The following INTS1 variants were observed in gnomAD, a reference collection of about 807,000 sequenced individuals.
INTS1 encodes the protein integrator complex subunit 1.
A neutral mutation model predicts 241.6 loss-of-function variants in INTS1; 137 were observed. That is an observed-to-expected ratio of 0.57 (90% CI 0.49 to 0.65). The LOEUF is 0.65. Ranked by LOEUF, INTS1 falls within the 30% of genes least tolerant of loss-of-function variation. The pLI is 0.00. For missense variants in INTS1, 3,073 were observed against 3,032.2 expected (o/e 1.01, Z -0.32); for synonymous variants, 1,692 against 1,337.8 (o/e 1.26, Z -5.78).
At chr7:1,489,920 G>T (rs1782464406) in intron 16 of INTS1, among the ~76,000 whole-genome samples, 2 of 152,150 alleles carry the variant, frequency 1.3e-5, no homozygotes, top group Admixed American at 1.3e-4. Context: ...CTACAAAACG[G>T]GAGCGGTGGT....
At position 1,493,863 on chromosome 7, in the gene INTS1, C is replaced by T; in HGVS notation, c.1959G>A (p.Leu653=). ...ACAGCCCGATGACCAGGATGCGCAT[C>T]AGCGTGTCCTCCAAAATGGGCACCT... ...CSEVPILEDT[L]MRILVIGLSR... The change falls in exon 15 of 48, where the codon CTG becomes CTA. Residue 653 remains leucine, a synonymous_variant. Transcript: ENST00000404767. This position sits in a 1 kb window ranked among gnomAD's most constrained non-coding sequence, Gnocchi z 5.3. 1 of 1,566,910 alleles carries T rather than the reference C, an allele frequency of 6.4e-7. No individual in the cohort carries two copies. The highest frequency in any genetic ancestry group is 8.6e-7 in the Non-Finnish European group (1 of 1,156,620).
At position 1,477,873 on chromosome 7, in the gene INTS1, GAGA is replaced by G; in HGVS notation, c.4691_4693del (p.Phe1564del). ...CGGGGAGGCAGCATCCGCAGTGGCA[GAGA>G]AGAATGCAGTCAGCAGCTCCTCCAG... On this transcript the variant is annotated inframe_deletion, in exon 34 of 48. Coordinates refer to ENST00000404767, the MANE Select transcript of INTS1 (RefSeq NM_001080453.3). 2 of 1,612,654 alleles carry G rather than the reference GAGA, an allele frequency of 1.2e-6. No homozygotes were observed. The highest frequency in any genetic ancestry group is 2.2e-5 in the South Asian group (2 of 91,092).
At chr7:1,472,699 G>A (rs1045098453) in intron 43 of INTS1, among the ~76,000 whole-genome samples, 1 of 152,306 alleles carries the variant, frequency 6.6e-6, no homozygotes, top group Admixed American at 6.5e-5. Context: ...GACGTGCTGC[G>A]GTGCCGTGTC....
intron 46 of INTS1, 28 bp downstream of exon 46, chr7:1,471,105 G>A: frequency 6.5e-7 from 1 of 1,546,002 alleles, no homozygotes; most frequent in Non-Finnish European, 8.7e-7. Flanking sequence ...AGCGGTGGCG[G>A]CGGGACAGAG....
At position 1,475,295 on chromosome 7, in the gene INTS1, G is replaced by C. The variant is rs553144219; in HGVS notation, c.5503-457C>G. On this transcript the variant is annotated intron_variant, in intron 39 of 47. Transcript: ENST00000404767. ...AGCTACTCGGGAGGCTGAGGTGGGA[G>C]GCTCACTTGAGCACAGGGGGTTGAG... Among the ~76,000 whole-genome samples, 169 of 152,248 alleles carry C rather than the reference G, an allele frequency of 1.1e-3. 2 individuals carry two copies. Among genetic ancestry groups the C allele is most frequent in the African/African-American group, 3.9e-3 (162 of 41,542 alleles).
chr7:1,482,434 G>A, intron 27 of INTS1, 112 bp downstream of exon 27: 1 of 1,068,672 alleles, frequency 9.4e-7, no homozygotes. Context: ...AGGCTACCCG[G>A]CCAGTCTTCT....
Position 1,498,735 on chromosome 7 carries a change from G to C in INTS1, c.1255C>G (p.Leu419Val), listed in dbSNP as rs1156484909. 2 of 1,560,682 alleles carry C rather than the reference G, an allele frequency of 1.3e-6. No individual in the cohort carries two copies. Among genetic ancestry groups the C allele is most frequent in the Non-Finnish European group, 1.7e-6 (2 of 1,152,400 alleles). Residue 419 changes from leucine (L) to valine (V), a missense_variant, in exon 9 of 48, where the codon CTC becomes GTC. Transcript: ENST00000404767. Reference sequence around the variant, plus strand: ...ATGCACAGCATGAAGTGGTTGAGGAGGACCTTGGGCTTGAGGCGGATCTTG... The same window carrying C: ...ATGCACAGCATGAAGTGGTTGAGGACGACCTTGGGCTTGAGGCGGATCTTG... Reference protein sequence around the residue: ...LIKIRLKPKVLLNHFMLCIRE... With the variant: ...LIKIRLKPKVVLNHFMLCIRE...
rs200632106 is a variant in INTS1, at chr7:1,497,216, G to A, written c.1524C>T (p.His508=). 1,630 of 1,613,042 alleles carry A rather than the reference G, an allele frequency of 1.0e-3. 7 individuals are homozygous for A. The Middle Eastern group carries it at 0.012, about 12-fold the overall frequency. ...GGCAGAAGGCCTGGAAGTTGATCTC[G>A]TGCTTGGTCTGCTTGATGATCTCCC... ...LLREIIKQTK[H]EINFQAFCLG... is the part of the protein sequence containing the mutation. Residue 508 remains histidine, a synonymous_variant, in exon 11 of 48, where the codon CAC becomes CAT. Transcript: ENST00000404767. This position sits in a 1 kb window ranked among gnomAD's most constrained non-coding sequence, Gnocchi z 5.3.
At chr7:1,483,673 G>A (rs371564134) in intron 26 of INTS1, 69 bp downstream of exon 26, 200 of 1,212,474 alleles carry the variant, frequency 1.6e-4, no homozygotes, top group South Asian at 7.7e-4. Context: ...TGCGGAAGCC[G>A]CTGGGTGTGG....
At chr7:1,490,244 C>T (rs1192382103) in intron 16 of INTS1, among the ~76,000 whole-genome samples, 1 of 152,208 alleles carries the variant, frequency 6.6e-6, no homozygotes, top group Non-Finnish European at 1.5e-5. Context: ...AAGTGCAGTG[C>T]GGGATTCCGA....
intron 3 of INTS1, chr7:1,501,083 G>A (rs539334021): frequency 1.3e-5 from 2 of 152,024 alleles, no homozygotes; most frequent in Non-Finnish European, 2.9e-5. Context: ...TCAGGAAATC[G>A]AGACCAGCCT....
At chr7:1,489,138 A>G (rs1782424028) in intron 18 of INTS1, among the ~76,000 whole-genome samples, 1 of 152,152 alleles carries the variant, frequency 6.6e-6, no homozygotes, top group East Asian at 1.9e-4. Flanking sequence ...TGCCGCCTCA[A>G]TCCACACCCC....
At chr7:1,480,259 A>G in intron 30 of INTS1, 58 bp downstream of exon 30, 1 of 1,545,776 alleles carries the variant, frequency 6.5e-7, no homozygotes, top group African/African-American at 1.4e-5. Context: ...GCGGCAGCGA[A>G]GGCTGCACGC....
chr7:1,480,242 G>A (rs1356350735), intron 30 of INTS1, 75 bp downstream of exon 30: 31 of 1,494,448 alleles, frequency 2.1e-5, no homozygotes, highest in African/African-American at 6.9e-5. Flanking sequence ...GCCGCTGTGC[G>A]TGCGAGGCGG....
rs2128532901 is a variant in INTS1 at position 1,474,769 on chromosome 7, G to A, written c.5572C>T (p.Arg1858Ter). The change falls in exon 40 of 48, where the codon CGA becomes TGA. Residue 1858 changes from arginine (R) to a stop codon, truncating the protein, a stop_gained. Coordinates refer to ENST00000404767, the MANE Select transcript of INTS1 (RefSeq NM_001080453.3). LOFTEE classifies it high-confidence loss of function. ...DTSDSRALEN[R>*]GADASMACRK... Reference sequence around the variant, plus strand: ...CAGGCCATGCTGGCATCCGCCCCTCGGTTCTCCAACGCCCGGGAGTCGCTG... The same window carrying A: ...CAGGCCATGCTGGCATCCGCCCCTCAGTTCTCCAACGCCCGGGAGTCGCTG... 3 of 1,574,736 alleles carry A rather than the reference G, an allele frequency of 1.9e-6. No homozygotes were observed. Among genetic ancestry groups the A allele is most frequent in the Non-Finnish European group, 2.6e-6 (3 of 1,162,520 alleles).
At chr7:1,476,111 C>T (rs1174459281) in intron 38 of INTS1, 40 bp from the exon 39 acceptor site, 1 of 1,529,248 alleles carries the variant, frequency 6.5e-7, no homozygotes, top group Non-Finnish European at 8.8e-7. Flanking sequence ...CGGACGGGGC[C>T]CCAGTGACAG....
In INTS1 at chr7:1,471,551, C is replaced by T. The variant is rs745754803; in HGVS notation, c.6255+20G>A. The T allele has an allele frequency of 1.5e-5, 24 of 1,611,470 alleles. No homozygotes were observed. In the South Asian group the frequency reaches 2.3e-4, roughly 15 times the overall value. On this transcript the variant is annotated intron_variant, in intron 45 of 47. Coordinates refer to ENST00000404767, the MANE Select transcript of INTS1 (RefSeq NM_001080453.3). ...AGGGAGTGGCTCCTCCCAGCTCTCC[C>T]TCAGCCCCATCCAGCTCACCGAGAA...
At position 1,478,361 on chromosome 7, in the gene INTS1, G is replaced by C; in HGVS notation, c.4630+5C>G. 1.2e-6 allele frequency: 2 copies of C among 1,611,778 alleles called. No individual in the cohort carries two copies. The highest frequency in any genetic ancestry group is 1.7e-6 in the Non-Finnish European group (2 of 1,179,076). ...TGGCCCAAGAGGATGGTGCCAGGAA[G>C]GTACCTTTGCTGATCAGGTCCGGCT... is the stretch of plus-strand genomic sequence containing the variant. On this transcript the variant is annotated splice_donor_5th_base_variant and intron_variant, in intron 33 of 47. Coordinates refer to ENST00000404767, the MANE Select transcript of INTS1 (RefSeq NM_001080453.3).
intron 10 of INTS1, among the ~76,000 whole-genome samples, chr7:1,498,073 C>T (rs1782951383): frequency 6.6e-6 from 1 of 152,108 alleles, no homozygotes; most frequent in African/African-American, 2.4e-5. Flanking sequence ...AACTACCTTA[C>T]TATCCAAAGG....
Sources: gnomAD v4.1 joint callset for allele counts (sites outside exome capture counted in the v4.1 genomes callset) on GRCh38, gnomAD v4.1.1 for gene constraint, Gnocchi (gnomAD v3.1) non-coding constraint, MANE v1.5 for transcripts, NCBI Gene and HGNC (gene_info 2026-07-23, HGNC 2026-07-21) for gene names.